LTBP1: variants seen among roughly 807,000 people sequenced by gnomAD.
LTBP1 encodes latent transforming growth factor beta binding protein 1, also known as latent-transforming growth factor beta-binding protein 1.
In LTBP1, 129 loss-of-function variants were observed where a neutral mutation model predicts 207.6. The ratio of observed to expected loss-of-function variants is 0.62; its 90% CI spans 0.54 to 0.72. The LOEUF is 0.72. Among genes scored for constraint, LTBP1 ranks in the 30% least tolerant of loss-of-function variants. The pLI is 0.00. For synonymous variants in LTBP1, 963 were observed against 833.7 expected (o/e 1.16, Z -2.67); for missense variants, 2,281 against 2,217.2 (o/e 1.03, Z -0.58).
rs763248715 is a variant in LTBP1, at chr2:33,275,003, C to A, written c.2782C>A (p.Gln928Lys). The change falls in exon 17 of 34, where the codon CAG (glutamine) becomes AAG (lysine). Residue 928 changes from glutamine to lysine, a missense_variant. Transcript: ENST00000404816. ...ECTQVQHLCSQGRCENTEGSF... is the reference protein window; with the variant it reads ...ECTQVQHLCSKGRCENTEGSF... ...TACTCAGGTCCAACACCTCTGCTCC[C>A]AGGGCCGCTGTGAAAACACCGAGGG... 8 of 1,614,084 alleles carry A rather than the reference C, an allele frequency of 5.0e-6. No homozygotes were observed. Among genetic ancestry groups the A allele is most frequent in the Non-Finnish European group, 6.8e-6 (8 of 1,179,976 alleles).
intron 3 of LTBP1, among the ~76,000 whole-genome samples, chr2:33,023,608 G>A (rs1026476706): frequency 7.9e-5 from 12 of 152,168 alleles, no homozygotes; most frequent in Non-Finnish European, 1.6e-4. Flanking sequence ...GAAGAGATGA[G>A]AAGAGATGGC....
intron 7 of LTBP1, among the ~76,000 whole-genome samples, chr2:33,193,336 T>G (rs996901621): frequency 3.9e-5 from 6 of 152,120 alleles, no homozygotes; most frequent in African/African-American, 1.2e-4. Context: ...GAGACGGGGT[T>G]TCACCATGTT....
chr2:33,126,543 A>G (rs576579550), intron 4 of LTBP1, among the ~76,000 whole-genome samples: 1 of 152,382 alleles, frequency 6.6e-6, no homozygotes, highest in East Asian at 1.9e-4. Flanking sequence ...GAGGAAGCTG[A>G]AAATGGGCAA....
intron 25 of LTBP1, among the ~76,000 whole-genome samples, chr2:33,345,334 G>A (rs1465194232): frequency 6.6e-6 from 1 of 152,212 alleles, no homozygotes; most frequent in Non-Finnish European, 1.5e-5. Context: ...ATGAAGGCAG[G>A]AGTTGGGACT....
At chr2:33,245,682 C>G (rs2092485938) in intron 10 of LTBP1, among the ~76,000 whole-genome samples, 1 of 152,150 alleles carries the variant, frequency 6.6e-6, no homozygotes, top group Non-Finnish European at 1.5e-5. Flanking sequence ...TTGATGACAT[C>G]CAGATAACTT....
chr2:33,221,477 A>G (rs1414421896), intron 8 of LTBP1, among the ~76,000 whole-genome samples: 1 of 152,162 alleles, frequency 6.6e-6, no homozygotes, highest in African/African-American at 2.4e-5. Flanking sequence ...TGATTGCAAC[A>G]TTTGTATTGT....
At position 33,013,487 on chromosome 2, in the gene LTBP1, A is replaced by AT. The variant is rs1000497789; in HGVS notation, c.566-7415dup. Among the ~76,000 whole-genome samples, 7 of 149,978 alleles carry AT rather than the reference A, an allele frequency of 4.7e-5. No homozygotes were observed. In the East Asian group the frequency reaches 1.4e-3, roughly 30 times the overall value. The stretch of plus-strand genomic sequence containing the variant: ...TTCAGAAAAATTTTTTTTCTGGGTT[A>AT]TTTTTTTCCCTTTTGCTATTTTAAT... On this transcript the variant is annotated intron_variant, in intron 2 of 33. Transcript: ENST00000404816.
At chr2:33,149,923 T>G (rs888628188) in intron 5 of LTBP1, among the ~76,000 whole-genome samples, 1 of 152,018 alleles carries the variant, frequency 6.6e-6, no homozygotes, top group Non-Finnish European at 1.5e-5. Flanking sequence ...CTTGGGAGGG[T>G]ATGGGTTTGT....
chr2:33,316,195 A>C (rs989424576), intron 24 of LTBP1, among the ~76,000 whole-genome samples: 1 of 27,528 alleles, frequency 3.6e-5, no homozygotes, highest in Admixed American at 4.7e-4. Flanking sequence ...AATTTACCTG[A>C]ACCATTTTAA....
intron 2 of LTBP1, among the ~76,000 whole-genome samples, chr2:33,011,855 TG>T (rs1448619410): frequency 2.0e-5 from 3 of 152,090 alleles, no homozygotes; most frequent in Non-Finnish European, 4.4e-5. Context: ...CCTGAATCAG[TG>T]GGGTCTATTC....
At chr2:33,205,399 A>G (rs762894937) in intron 7 of LTBP1, among the ~76,000 whole-genome samples, 7 of 152,232 alleles carry the variant, frequency 4.6e-5, no homozygotes, top group Non-Finnish European at 8.8e-5. Flanking sequence ...CTAGGCACAC[A>G]TGAATTGTGG....
chr2:33,293,718 AACAATCTTACATAATG>A (rs1291871836), intron 20 of LTBP1, among the ~76,000 whole-genome samples: 3 of 152,226 alleles, frequency 2.0e-5, no homozygotes, highest in Admixed American at 6.5e-5. Flanking sequence ...AAAGAAAAGT[AACAATCTTACATAATG>A]TCATTAATGA....
At chr2:33,341,040 T>C (rs1002667274) in intron 24 of LTBP1, among the ~76,000 whole-genome samples, 12 of 151,946 alleles carry the variant, frequency 7.9e-5, no homozygotes, top group Non-Finnish European at 1.5e-4. Flanking sequence ...AAAAGTACAA[T>C]CTTCACATAT....
chr2:33,029,447 A>G (rs1412873334), intron 3 of LTBP1, among the ~76,000 whole-genome samples: 2 of 152,236 alleles, frequency 1.3e-5, no homozygotes, highest in Non-Finnish European at 2.9e-5. Flanking sequence ...ACTGCGCTCC[A>G]GCATGGGCAA....
At chr2:33,343,024 T>C in intron 25 of LTBP1, 61 bp downstream of exon 25, 1 of 1,550,416 alleles carries the variant, frequency 6.4e-7, no homozygotes, top group Non-Finnish European at 8.8e-7. Context: ...GAAATCACAG[T>C]GAACAACAGG....
At chr2:33,091,527 C>A (rs2079091324) in intron 3 of LTBP1, among the ~76,000 whole-genome samples, 2 of 152,262 alleles carry the variant, frequency 1.3e-5, no homozygotes, top group African/African-American at 4.8e-5. Context: ...ATTCTCTGTT[C>A]TCTCTTTTAT....
At chr2:33,367,004 T>A (rs2094997033) in intron 31 of LTBP1, among the ~76,000 whole-genome samples, 1 of 152,160 alleles carries the variant, frequency 6.6e-6, no homozygotes, top group Non-Finnish European at 1.5e-5. Context: ...ACCTACCCCA[T>A]CACAGTTGAA....
chr2:33,068,499 T>C (rs1034901456), intron 3 of LTBP1, among the ~76,000 whole-genome samples: 1 of 152,186 alleles, frequency 6.6e-6, no homozygotes, highest in Non-Finnish European at 1.5e-5. Flanking sequence ...TTGTACATTC[T>C]GTGGGTTTGG....
In LTBP1 at chr2:33,000,504, C is replaced by G. The variant is rs1432281065; in HGVS notation, c.566-20405C>G. 1.2e-4 allele frequency among the ~76,000 whole-genome samples: 16 copies of G among 134,760 alleles called. 7 individuals carry two copies. The highest frequency in any genetic ancestry group is 8.3e-4 in the Admixed American group (11 of 13,198). 88.4% of individuals were successfully genotyped at this position (134,760 alleles called of 152,430 possible). On this transcript the variant is annotated intron_variant, in intron 2 of 33. Coordinates refer to ENST00000404816, the MANE Select transcript of LTBP1 (RefSeq NM_206943.4). Reference sequence around the variant, plus strand: ...GGGGGAAGGGTGCTAAGTGAAAATGCTATGTAAACTGCATGCTGTTTGCAA... The same window carrying G: ...GGGGGAAGGGTGCTAAGTGAAAATGGTATGTAAACTGCATGCTGTTTGCAA...
Sources: allele counts gnomAD v4.1 joint callset (sites outside exome capture counted in the v4.1 genomes callset), GRCh38; gene constraint gnomAD v4.1.1; transcripts MANE v1.5; gene names NCBI Gene and HGNC (gene_info 2026-07-23, HGNC 2026-07-21).